CSMD3: variants seen among roughly 807,000 people sequenced by gnomAD.
CSMD3 encodes the protein CUB and sushi domain-containing protein 3.
Under a neutral mutation model 435.2 loss-of-function variants are expected in CSMD3, and 177 were observed. The ratio of observed to expected loss-of-function variants is 0.41; its 90% CI spans 0.36 to 0.46. CSMD3 has a LOEUF of 0.46. Among genes scored for constraint, CSMD3 ranks in the 20% least tolerant of loss-of-function variants. The pLI is 0.34. For synonymous variants in CSMD3, 1,656 were observed against 1,520.5 expected (o/e 1.09, Z -2.07); for missense variants, 4,265 against 4,504.6 (o/e 0.95, Z 1.52).
intron 37 of CSMD3, among the ~76,000 whole-genome samples, chr8:112,382,406 A>G (rs894981525): frequency 6.6e-6 from 1 of 152,012 alleles, no homozygotes; most frequent in Non-Finnish European, 1.5e-5. Context: ...CTAAATCTAT[A>G]TTGTTCATGT....
chr8:112,776,625 A>G (rs1477766111), intron 13 of CSMD3, among the ~76,000 whole-genome samples: 2 of 151,750 alleles, frequency 1.3e-5, no homozygotes, highest in African/African-American at 4.8e-5. Flanking sequence ...AATTGCCTTA[A>G]GACATATTGT....
chr8:112,556,010 G>A (rs906946238), intron 25 of CSMD3, among the ~76,000 whole-genome samples: 1 of 151,936 alleles, frequency 6.6e-6, no homozygotes, highest in African/African-American at 2.4e-5. Context: ...CTGCATATAT[G>A]TTCTCTGCTG....
intron 3 of CSMD3, among the ~76,000 whole-genome samples, chr8:113,212,996 A>T (rs1310654683): frequency 6.6e-6 from 1 of 151,422 alleles, no homozygotes; most frequent in Non-Finnish European, 1.5e-5. Context: ...AGTGCTCACC[A>T]TTACCCCATG....
intron 11 of CSMD3, among the ~76,000 whole-genome samples, chr8:112,834,420 T>G (rs1184636834): frequency 6.6e-6 from 1 of 151,824 alleles, no homozygotes; most frequent in African/African-American, 2.4e-5. Flanking sequence ...AAAATTAGCT[T>G]TGCCTTATTT....
chr8:112,945,017 G>A (rs2083560704), intron 9 of CSMD3, among the ~76,000 whole-genome samples: 1 of 151,440 alleles, frequency 6.6e-6, no homozygotes, highest in East Asian at 1.9e-4. Context: ...TAACATATCT[G>A]CCTAGAAATC....
At chr8:113,348,956 G>A (rs748212513) in intron 1 of CSMD3, among the ~76,000 whole-genome samples, 4 of 151,670 alleles carry the variant, frequency 2.6e-5, no homozygotes, top group Admixed American at 6.6e-5. Context: ...TTAATTTTAC[G>A]TACTGAATAA....
At chr8:112,714,597 T>G (rs1587052865) in intron 13 of CSMD3, among the ~76,000 whole-genome samples, 2 of 152,180 alleles carry the variant, frequency 1.3e-5, no homozygotes, top group Admixed American at 1.3e-4. Flanking sequence ...TACAGAACTC[T>G]CCACCCCAAA....
chr8:113,032,879 G>A (rs914780245), intron 5 of CSMD3, among the ~76,000 whole-genome samples: 2 of 151,478 alleles, frequency 1.3e-5, no homozygotes, highest in Admixed American at 6.6e-5. Context: ...TGCAGCTTCA[G>A]GTCTTGGTAG....
At chr8:112,964,173 T>C (rs1469666455) in intron 7 of CSMD3, among the ~76,000 whole-genome samples, 1 of 151,936 alleles carries the variant, frequency 6.6e-6, no homozygotes, top group African/African-American at 2.4e-5. Context: ...AGGTTATCTA[T>C]ATGTTAATAA....
intron 10 of CSMD3, among the ~76,000 whole-genome samples, chr8:112,895,534 A>T (rs986218753): frequency 6.6e-6 from 1 of 151,402 alleles, no homozygotes; most frequent in African/African-American, 2.4e-5. Flanking sequence ...ATACACATAA[A>T]GGAAAGAAAA....
chr8:112,919,180 A>C (rs887408964), intron 10 of CSMD3, among the ~76,000 whole-genome samples: 17 of 151,878 alleles, frequency 1.1e-4, no homozygotes, highest in Admixed American at 1.1e-3. Context: ...AATCTTGAAC[A>C]TGTGCTTTTT....
chr8:112,700,683 G>A (rs1251793577), intron 13 of CSMD3, among the ~76,000 whole-genome samples: 1 of 151,928 alleles, frequency 6.6e-6, no homozygotes, highest in Admixed American at 6.6e-5. Context: ...GCAGGCTTAC[G>A]GACAGAACAA....
intron 4 of CSMD3, among the ~76,000 whole-genome samples, chr8:113,123,372 G>T (rs1037376790): frequency 1.3e-5 from 2 of 152,042 alleles, no homozygotes; most frequent in African/African-American, 4.8e-5. Flanking sequence ...ACTAAATGAG[G>T]AGTCAGCAAA....
At chr8:113,376,507 A>T (rs1436624950) in intron 1 of CSMD3, among the ~76,000 whole-genome samples, 1 of 152,182 alleles carries the variant, frequency 6.6e-6, no homozygotes, top group African/African-American at 2.4e-5. Context: ...ACTTAAGAGT[A>T]GGTGGCAAAT....
At chr8:112,731,273 C>T (rs1032458331) in intron 13 of CSMD3, among the ~76,000 whole-genome samples, 3 of 152,076 alleles carry the variant, frequency 2.0e-5, no homozygotes, top group African/African-American at 7.2e-5. Flanking sequence ...GTCATGACTA[C>T]GTCCACAAGT....
intron 2 of CSMD3, among the ~76,000 whole-genome samples, chr8:113,292,452 T>C (rs1183608247): frequency 1.3e-5 from 2 of 151,894 alleles, no homozygotes; most frequent in Admixed American, 6.6e-5. Context: ...TCTTAAACTA[T>C]GTACTGATGT....
intron 10 of CSMD3, among the ~76,000 whole-genome samples, chr8:112,883,367 A>G (rs909354471): frequency 6.6e-6 from 1 of 152,002 alleles, no homozygotes; most frequent in Non-Finnish European, 1.5e-5. Flanking sequence ...GTAGGTTATT[A>G]TTTCAATGGA....
At chr8:113,263,482 C>T (rs1252177123) in intron 3 of CSMD3, among the ~76,000 whole-genome samples, 1 of 151,876 alleles carries the variant, frequency 6.6e-6, no homozygotes, top group Non-Finnish European at 1.5e-5. Flanking sequence ...ATCACTATTG[C>T]TCAGCTTCTT....
chr8:112,759,831 G>C (rs2077794093), intron 13 of CSMD3, among the ~76,000 whole-genome samples: 3 of 152,048 alleles, frequency 2.0e-5, no homozygotes. Flanking sequence ...TTTTAAGCAA[G>C]ATTGTGTCTC....
Sources: allele counts gnomAD v4.1 joint callset (sites outside exome capture counted in the v4.1 genomes callset), GRCh38; gene constraint gnomAD v4.1.1; transcripts MANE v1.5; gene names NCBI Gene and HGNC (gene_info 2026-07-23, HGNC 2026-07-21).